The following EFHB variants were observed in gnomAD, a reference collection of about 807,000 sequenced individuals.
EFHB encodes EF-hand domain-containing family member B.
EFHB carries 91 observed loss-of-function variants against 87.2 expected under a neutral mutation model. The observed-to-expected ratio is 1.04, with a 90% CI of 0.88 to 1.24. The LOEUF (loss-of-function observed/expected upper bound fraction) is 1.24, where lower values mean the gene tolerates loss of function less well. Ranked by LOEUF, EFHB falls within the 50% of genes most tolerant of loss-of-function variation. The probability of loss-of-function intolerance (pLI) is 0.00; values close to 1 mark genes in which losing one functional copy is unlikely to be tolerated. For missense variants in EFHB, 1,084 were observed against 998.8 expected (o/e 1.09, Z -1.15); for synonymous variants, 325 against 333.6 (o/e 0.97, Z 0.28).
intron 4 of EFHB, among the ~76,000 whole-genome samples, chr3:19,917,157 G>GT (rs531618912): frequency 4.7e-4 from 72 of 151,652 alleles, no homozygotes; most frequent in Non-Finnish European, 8.4e-4. Context: ...AATCATTTGA[G>GT]TCCAGGAGCT....
chr3:19,919,298 G>T (rs972075645), intron 3 of EFHB, among the ~76,000 whole-genome samples: 1 of 151,848 alleles, frequency 6.6e-6, no homozygotes, highest in African/African-American at 2.4e-5. Flanking sequence ...CCGGGTTCAA[G>T]TGATTCTCCT....
At chr3:19,902,447 C>T (rs1309997545) in intron 6 of EFHB, among the ~76,000 whole-genome samples, 5 of 152,074 alleles carry the variant, frequency 3.3e-5, no homozygotes, top group Non-Finnish European at 7.4e-5. Flanking sequence ...CTCCACCTCC[C>T]GGGTTCAAGC....
chr3:19,895,576 A>C (rs1184036648), intron 9 of EFHB, among the ~76,000 whole-genome samples: 2 of 152,170 alleles, frequency 1.3e-5, no homozygotes, highest in Non-Finnish European at 2.9e-5. Flanking sequence ...AAAATGAAGA[A>C]TTCTTAAAAG....
chr3:19,937,485 C>A (rs1256093763), upstream of EFHB, among the ~76,000 whole-genome samples: 1 of 152,062 alleles, frequency 6.6e-6, no homozygotes, highest in Non-Finnish European at 1.5e-5. Flanking sequence ...GCACCGAGAT[C>A]ATCAGGACCA....
chr3:19,925,415 A>G lies in EFHB; in HGVS notation c.790-4848T>C, dbSNP rs903407699. 5.3e-5 allele frequency among the ~76,000 whole-genome samples: 8 copies of G among 152,242 alleles called. No individual in the cohort carries two copies. The Middle Eastern group carries it at 0.01, about 194-fold the overall frequency. ...ATGTATATGAATACCTCTAATCACA[A>G]TCCAACACAACAGGATTCATTCTAT... On this transcript the variant is annotated intron_variant, in intron 1 of 12. Coordinates refer to ENST00000295824, the MANE Select transcript of EFHB (RefSeq NM_144715.4).
chr3:19,920,491 T>C lies in EFHB; in HGVS notation c.852+14A>G. ...GTAAAAATAGAAATATAAAGGTATA[T>C]TGAAAGTGCTCACCCTGGGAAGTTT... On this transcript the variant is annotated intron_variant, in intron 2 of 12. Coordinates refer to ENST00000295824, the MANE Select transcript of EFHB (RefSeq NM_144715.4). 6.3e-7 allele frequency: 1 copy of C among 1,593,942 alleles called. No homozygotes were observed. Among genetic ancestry groups the C allele is most frequent in the Admixed American group, 1.8e-5 (1 of 55,694 alleles).
chr3:19,886,908 A>G (rs536277096), intron 10 of EFHB, among the ~76,000 whole-genome samples: 1 of 152,274 alleles, frequency 6.6e-6, no homozygotes, highest in South Asian at 2.1e-4. Context: ...AAGAAATGAG[A>G]AATAAAAAGC....
At chr3:19,939,187 C>T (rs954813200), upstream of EFHB, among the ~76,000 whole-genome samples, 9 of 151,788 alleles carry the variant, frequency 5.9e-5, no homozygotes, top group African/African-American at 1.2e-4. Flanking sequence ...ATTACATGCA[C>T]GAGTCAACAT....
At chr3:19,937,318 A>C (rs942718429), upstream of EFHB, among the ~76,000 whole-genome samples, 13 of 152,184 alleles carry the variant, frequency 8.5e-5, no homozygotes, top group African/African-American at 2.9e-4. Flanking sequence ...ATAAAGTGCA[A>C]TGTTATTTCC....
intron 9 of EFHB, among the ~76,000 whole-genome samples, chr3:19,889,819 T>C (rs1694242668): frequency 6.6e-6 from 1 of 152,034 alleles, no homozygotes; most frequent in Non-Finnish European, 1.5e-5. Flanking sequence ...AGAAATCCCG[T>C]CTCTACTGAA....
At chr3:19,891,049 A>G (rs1227668914) in intron 9 of EFHB, among the ~76,000 whole-genome samples, 6 of 149,248 alleles carry the variant, frequency 4.0e-5, no homozygotes, top group Non-Finnish European at 7.4e-5. Context: ...GTAAAAGAGT[A>G]GCAATATTTT....
rs767613984 is a variant in EFHB, at chr3:19,933,585, G to C, written c.434C>G (p.Ala145Gly). The change falls in exon 1 of 13, where the codon GCT becomes GGT. Residue 145 changes from alanine to glycine, a missense_variant. Ala to Gly is a moderately conservative substitution (Grantham distance 60). Transcript: ENST00000295824. ...CCCTTCAGGGCCACTAGCCAAAGGA[G>C]CTCTCCTGCTCCCTGCAGCCTGTGA... ...GSSQAAGSRRAPLASGPEGVE... is the reference protein window; with the variant it reads ...GSSQAAGSRRGPLASGPEGVE... 3.7e-6 allele frequency: 6 copies of C among 1,613,980 alleles called. No individual in the cohort carries two copies. Among genetic ancestry groups the C allele is most frequent in the Non-Finnish European group, 5.1e-6 (6 of 1,179,886 alleles).
At chr3:19,937,715 A>G (rs1696054828), upstream of EFHB, among the ~76,000 whole-genome samples, 1 of 152,124 alleles carries the variant, frequency 6.6e-6, no homozygotes, top group Non-Finnish European at 1.5e-5. Context: ...CTCCAGTACC[A>G]AGAGTCTGAG....
intron 1 of EFHB, among the ~76,000 whole-genome samples, chr3:19,944,655 G>T (rs1696230161): frequency 6.6e-6 from 1 of 152,208 alleles, no homozygotes; most frequent in South Asian, 2.1e-4. Context: ...ATTGTGAAAA[G>T]TATTCATGAA....
At chr3:19,934,296 T>C (rs192224975), upstream of EFHB, 3,061 of 1,318,036 alleles carry the variant, frequency 2.3e-3, 8 homozygotes, top group Middle Eastern at 4.3e-3. Flanking sequence ...CCATCTCTCA[T>C]TCTTCTCTCT....
chr3:19,925,870 A>G (rs1695606972), intron 1 of EFHB, among the ~76,000 whole-genome samples: 1 of 152,168 alleles, frequency 6.6e-6, no homozygotes, highest in African/African-American at 2.4e-5. Flanking sequence ...GCCCTTGGTC[A>G]AGATCCCTCT....
intron 10 of EFHB, among the ~76,000 whole-genome samples, chr3:19,887,311 G>A (rs1314294629): frequency 6.7e-6 from 1 of 150,094 alleles, no homozygotes; most frequent in African/African-American, 2.5e-5. Context: ...CTTGAACCCG[G>A]CAGGTAGAGA....
intron 6 of EFHB, 55 bp from the exon 7 acceptor site, chr3:19,899,570 C>CCT: frequency 7.3e-7 from 1 of 1,363,952 alleles, no homozygotes; most frequent in Non-Finnish European, 1.0e-6. Context: ...TTCTTGGCTG[C>CCT]CAAATATACA....
chr3:19,926,711 A>T (rs1296527885), intron 1 of EFHB, among the ~76,000 whole-genome samples: 1 of 149,976 alleles, frequency 6.7e-6, no homozygotes, highest in Non-Finnish European at 1.5e-5. Flanking sequence ...CCCAGGCTGG[A>T]GTGCAATGGC....
Sources: allele counts gnomAD v4.1 joint callset (sites outside exome capture counted in the v4.1 genomes callset), GRCh38; gene constraint gnomAD v4.1.1; transcripts MANE v1.5; gene names NCBI Gene and HGNC (gene_info 2026-07-23, HGNC 2026-07-21).